The following USH2A variants were observed in gnomAD, a reference collection of about 807,000 sequenced individuals.
USH2A encodes Usher syndrome 2A (autosomal recessive, mild).
In USH2A, 443 loss-of-function variants were observed where a neutral mutation model predicts 538.9. The observed-to-expected ratio is 0.82, with a 90% CI of 0.76 to 0.89. USH2A has a LOEUF of 0.89. Among genes scored for constraint, USH2A ranks in the 40% least tolerant of loss-of-function variants. The pLI is 0.00. For missense variants in USH2A, 6,633 were observed against 6,324.8 expected (o/e 1.05, Z -1.65); for synonymous variants, 2,413 against 2,273.5 (o/e 1.06, Z -1.75).
rs189290073 is a variant in USH2A at position 216,175,802 on chromosome 1, C to T, written c.4397-320G>A. ...AGTAGCTGCTGTACTCTGGGTGGTG[C>T]CCCAACCACAGTCCCTCTACCAAGC... On this transcript the variant is annotated intron_variant, in intron 20 of 71. Coordinates refer to ENST00000307340, the MANE Select transcript of USH2A (RefSeq NM_206933.4). 3.3e-5 allele frequency among the ~76,000 whole-genome samples: 5 copies of T among 152,162 alleles called. No individual in the cohort carries two copies. In the East Asian group the frequency reaches 5.8e-4, roughly 18 times the overall value.
intron 61 of USH2A, among the ~76,000 whole-genome samples, chr1:215,692,992 C>G (rs1658666941): frequency 6.6e-6 from 1 of 151,502 alleles, no homozygotes; most frequent in Non-Finnish European, 1.5e-5. Flanking sequence ...CAACCTCTGT[C>G]TCCAAGACTC....
In USH2A at chr1:216,119,453, G is replaced by T. The variant is rs1046577972; in HGVS notation, c.4628-22240C>A. 2.0e-5 allele frequency among the ~76,000 whole-genome samples: 3 copies of T among 150,962 alleles called. No homozygotes were observed. The East Asian group carries it at 5.8e-4, about 29-fold the overall frequency. On this transcript the variant is annotated intron_variant, in intron 21 of 71. Transcript: ENST00000307340. ...GTATATAATATAACATTATATATATGGTATACATAACAATATAACATATAA... is the reference window on the plus strand; with the variant it reads ...GTATATAATATAACATTATATATATTGTATACATAACAATATAACATATAA...
chr1:215,632,379 G>A (rs922342266), intron 70 of USH2A, among the ~76,000 whole-genome samples: 1 of 152,190 alleles, frequency 6.6e-6, no homozygotes, highest in Admixed American at 6.5e-5. Flanking sequence ...AAAACCCTGA[G>A]CAATGGGGTT....
At chr1:215,969,038 T>C (rs1014378729) in intron 36 of USH2A, among the ~76,000 whole-genome samples, 1 of 152,182 alleles carries the variant, frequency 6.6e-6, no homozygotes, top group African/African-American at 2.4e-5. Context: ...CTATTTAGAA[T>C]ACTCAGATAT....
chr1:215,772,413 A>G (rs1350243427), intron 55 of USH2A, among the ~76,000 whole-genome samples: 1 of 152,216 alleles, frequency 6.6e-6, no homozygotes, highest in Non-Finnish European at 1.5e-5. Context: ...TTAACATTTC[A>G]GTATAGTGAA....
In USH2A at chr1:216,210,043, A is replaced by AGAAG. The variant is rs543763185; in HGVS notation, c.3158-2616_3158-2613dup. ...CTGTGGGTCATGAGACCCTCATTTT[A>AGAAG]GAAGGAGTCCTGCCCCATGCCCTGG... On this transcript the variant is annotated intron_variant, in intron 15 of 71. Coordinates refer to ENST00000307340, the MANE Select transcript of USH2A (RefSeq NM_206933.4). 5.5e-4 allele frequency among the ~76,000 whole-genome samples: 84 copies of AGAAG among 152,232 alleles called. 1 individual carries two copies. The South Asian group carries it at 9.9e-3, about 18-fold the overall frequency.
chr1:215,986,119 C>T (rs924186158), intron 35 of USH2A, among the ~76,000 whole-genome samples: 3 of 151,610 alleles, frequency 2.0e-5, no homozygotes, highest in Non-Finnish European at 2.9e-5. Flanking sequence ...ATGCTTCTCC[C>T]TCTCTCTCTT....
intron 14 of USH2A, among the ~76,000 whole-genome samples, chr1:216,221,310 C>G (rs901508768): frequency 6.6e-6 from 1 of 152,182 alleles, no homozygotes; most frequent in Non-Finnish European, 1.5e-5. Context: ...AACCAGTGTT[C>G]TCAGTTCACA....
chr1:216,357,269 T>A (rs1467901395), intron 4 of USH2A, among the ~76,000 whole-genome samples: 1 of 152,174 alleles, frequency 6.6e-6, no homozygotes, highest in Non-Finnish European at 1.5e-5. Flanking sequence ...AGTAAACTCC[T>A]ATCTATATAC....
In USH2A at chr1:215,900,912, A is replaced by G; in HGVS notation, c.7301-7T>C. ...GGCAGCACGCCATCTGGAGCTGTCGAAAAACACAGATGAATTAGAGCAGAG... is the reference window on the plus strand; with the variant it reads ...GGCAGCACGCCATCTGGAGCTGTCGGAAAACACAGATGAATTAGAGCAGAG... On this transcript the variant is annotated splice_region_variant and splice_polypyrimidine_tract_variant and intron_variant, in intron 38 of 71. Transcript: ENST00000307340. 1 of 1,613,212 alleles carries G rather than the reference A, an allele frequency of 6.2e-7. No homozygotes were observed. Among genetic ancestry groups the G allele is most frequent in the African/African-American group, 1.3e-5 (1 of 74,986 alleles).
intron 61 of USH2A, among the ~76,000 whole-genome samples, chr1:215,693,092 A>ATATATATATG (rs371000210): frequency 7.6e-6 from 1 of 131,664 alleles, no homozygotes; most frequent in Admixed American, 8.0e-5. Flanking sequence ...ATATATATAT[A>ATATATATATG]TGTGTGTGTG....
chr1:216,267,178 G>A lies in USH2A; in HGVS notation c.1972-16080C>T, dbSNP rs180845196. 7.9e-5 allele frequency among the ~76,000 whole-genome samples: 12 copies of A among 152,140 alleles called. No individual in the cohort carries two copies. In the East Asian group the frequency reaches 9.7e-4, roughly 12 times the overall value. On this transcript the variant is annotated intron_variant, in intron 11 of 71. Coordinates refer to ENST00000307340, the MANE Select transcript of USH2A (RefSeq NM_206933.4). The stretch of plus-strand genomic sequence containing the variant: ...AGTCAGGGATATGGGAGGAAAACCC[G>A]GAGAATGTGGAGTCCTCTAAATGAA...
At chr1:216,260,310 C>T (rs936811093) in intron 11 of USH2A, among the ~76,000 whole-genome samples, 7 of 152,030 alleles carry the variant, frequency 4.6e-5, no homozygotes, top group South Asian at 2.1e-4. Context: ...AATTGGATTC[C>T]TAAAACATGA....
chr1:216,041,119 A>G (rs17025909), intron 32 of USH2A, among the ~76,000 whole-genome samples: 10,155 of 152,068 alleles, frequency 0.067, 370 homozygotes, highest in African/African-American at 0.08. Flanking sequence ...CAAGGTTACT[A>G]TGGTTACGAA....
chr1:216,351,045 G>A (rs371086699), intron 4 of USH2A, among the ~76,000 whole-genome samples: 4 of 152,230 alleles, frequency 2.6e-5, no homozygotes, highest in Admixed American at 2.0e-4. Flanking sequence ...CTGCATGGAA[G>A]CTGCCCATCG....
rs750981799 is a variant in USH2A, at chr1:215,674,093, T to C, written c.13811+7A>G. On this transcript the variant is annotated splice_region_variant and intron_variant, in intron 63 of 71. Transcript: ENST00000307340. The stretch of plus-strand genomic sequence containing the variant: ...TACTCTCAGAAAACCGAGACATGGC[T>C]ACCTACCTGTGAAATGGCTTCAGCT... 7.4e-6 allele frequency: 12 copies of C among 1,613,914 alleles called. No individual in the cohort carries two copies. Among genetic ancestry groups the C allele is most frequent in the African/African-American group, 1.3e-5 (1 of 74,904 alleles).
intron 16 of USH2A, among the ~76,000 whole-genome samples, chr1:216,201,011 CCCTT>C (rs1246221491): frequency 0.049 from 1,905 of 38,854 alleles, 105 homozygotes; most frequent in East Asian, 0.09. Context: ...CTCCCTCCCT[CCCTT>C]CCTTCCTTCC....
intron 32 of USH2A, among the ~76,000 whole-genome samples, chr1:216,013,324 G>T (rs1455484977): frequency 6.7e-6 from 1 of 150,282 alleles, no homozygotes; most frequent in Non-Finnish European, 1.5e-5. Context: ...TTCCCACGCC[G>T]CCCCTAATCC....
chr1:215,758,885 AACTTG>A, intron 57 of USH2A, 133 bp from the exon 58 acceptor site: 1 of 938,470 alleles, frequency 1.1e-6, no homozygotes, highest in Non-Finnish European at 1.6e-6. Flanking sequence ...CCTTTCCAGA[AACTTG>A]ACTTGGTAGT....
Sources: gnomAD v4.1 joint callset for allele counts (sites outside exome capture counted in the v4.1 genomes callset) on GRCh38, gnomAD v4.1.1 for gene constraint, MANE v1.5 for transcripts, NCBI Gene and HGNC (gene_info 2026-07-23, HGNC 2026-07-21) for gene names.